The following CAPG variants were observed in gnomAD, a reference collection of about 807,000 sequenced individuals.
CAPG encodes the protein macrophage-capping protein.
In CAPG, 32 loss-of-function variants were observed where a neutral mutation model predicts 44.6. That is an observed-to-expected ratio of 0.72 (90% CI 0.54 to 0.96). The LOEUF (loss-of-function observed/expected upper bound fraction) is 0.96. CAPG is among the 50% of genes least tolerant of loss of function. The pLI is 0.00. For synonymous variants in CAPG, 175 were observed against 179.6 expected (o/e 0.97, Z 0.20); for missense variants, 412 against 438.3 (o/e 0.94, Z 0.54).
In CAPG at chr2:85,394,820, G is replaced by T; in HGVS notation, c.*73C>A. ...CATCTGCAGGGGGCACCTCTGCACT[G>T]ACCAGGCAGCCAGAGAAGCAAGCAG... On this transcript the variant is annotated 3_prime_UTR_variant, in exon 10 of 10. Transcript: ENST00000263867. 3 of 1,100,382 alleles carry T rather than the reference G, an allele frequency of 2.7e-6. No homozygotes were observed. Among genetic ancestry groups the T allele is most frequent in the South Asian group, 1.2e-5 (1 of 81,006 alleles). 68.2% of individuals were successfully genotyped at this position (1,100,382 alleles called of 1,614,324 possible).
exon 1 of CAPG, chr2:85,418,424 G>C (rs1413739881): frequency 6.6e-6 from 1 of 152,258 alleles, no homozygotes; most frequent in African/African-American, 2.4e-5. Flanking sequence ...ACGCCAGGAC[G>C]CGTGTAAGGC....
downstream of CAPG, among the ~76,000 whole-genome samples, chr2:85,393,157 T>C (rs569348965): frequency 3.9e-4 from 59 of 151,832 alleles, no homozygotes; most frequent in East Asian, 0.011. Context: ...CACTTCAGCC[T>C]CCTGAGTAGC....
chr2:85,392,941 A>G (rs957979089), downstream of CAPG, among the ~76,000 whole-genome samples: 2 of 152,212 alleles, frequency 1.3e-5, no homozygotes, highest in Non-Finnish European at 2.9e-5. Flanking sequence ...AGACCCTGGA[A>G]CATTAGCAAT....
At chr2:85,402,189 C>T in intron 1 of CAPG, 31 bp from the exon 2 acceptor site, 2 of 1,561,390 alleles carry the variant, frequency 1.3e-6, no homozygotes, top group Non-Finnish European at 1.7e-6. Context: ...ATTATTATTA[C>T]AAATGCCACA....
chr2:85,403,929 A>G (rs774352941), intron 1 of CAPG, among the ~76,000 whole-genome samples: 1 of 151,564 alleles, frequency 6.6e-6, no homozygotes, highest in Non-Finnish European at 1.5e-5. Context: ...ATTTTAGCAA[A>G]TGAAATCAAA....
chr2:85,407,473 G>A (rs1311470967), intron 1 of CAPG, among the ~76,000 whole-genome samples: 2 of 151,952 alleles, frequency 1.3e-5, no homozygotes, highest in African/African-American at 2.4e-5. Context: ...AGCACACTGG[G>A]AGACTGAGGT....
In CAPG at chr2:85,410,002, G is replaced by T. The variant is rs138483090; in HGVS notation, c.-14+315C>A. On this transcript the variant is annotated intron_variant, in intron 1 of 9. Coordinates refer to ENST00000263867, the MANE Select transcript of CAPG (RefSeq NM_001747.4). ...GCAGTGTGGTGGCCTCCGTCAGGAGGTCTGGCACAGCTGGGACAAGCCCTG... is the reference window on the plus strand; with the variant it reads ...GCAGTGTGGTGGCCTCCGTCAGGAGTTCTGGCACAGCTGGGACAAGCCCTG... 1.8e-3 allele frequency among the ~76,000 whole-genome samples: 270 copies of T among 152,336 alleles called. 2 individuals carry two copies. The highest frequency in any genetic ancestry group is 6.3e-3 in the African/African-American group (262 of 41,580).
Position 85,395,759 on chromosome 2 carries a change from A to T in CAPG, c.893-133T>A. The T allele has an allele frequency of 1.6e-6, 1 of 642,908 alleles. No individual in the cohort carries two copies. The highest frequency in any genetic ancestry group is 2.8e-6 in the Non-Finnish European group (1 of 361,644). 39.8% of individuals were successfully genotyped at this position (642,908 alleles called of 1,614,324 possible). A position where few individuals can be genotyped will look rare whatever the true frequency, so the allele number is the denominator to read the frequency against. On this transcript the variant is annotated intron_variant, in intron 8 of 9. Transcript: ENST00000263867. This position sits in a 1 kb window ranked among gnomAD's most constrained non-coding sequence, Gnocchi z 4.3. ...TACAATAAATGGACCAGGGGTCCCA[A>T]GAATGCCGAGGGGCTCTTTGGAGAT...
chr2:85,407,547 T>C (rs1687215622), intron 1 of CAPG, among the ~76,000 whole-genome samples: 1 of 151,564 alleles, frequency 6.6e-6, no homozygotes, highest in South Asian at 2.1e-4. Flanking sequence ...ATCCTGTCTC[T>C]ACAAAATATA....
upstream of CAPG, among the ~76,000 whole-genome samples, chr2:85,411,131 C>T (rs1156366224): frequency 6.6e-6 from 1 of 152,212 alleles, no homozygotes; most frequent in Non-Finnish European, 1.5e-5. Flanking sequence ...GCTGGGATTA[C>T]AGGCGTGGGC....
At chr2:85,403,225 T>C (rs763112690) in intron 1 of CAPG, among the ~76,000 whole-genome samples, 1 of 152,230 alleles carries the variant, frequency 6.6e-6, no homozygotes, top group Non-Finnish European at 1.5e-5. Context: ...AAAAACTTTA[T>C]GCCAATATAT....
Position 85,394,960 on chromosome 2 carries a change from T to G in CAPG, c.982-2A>C. The G allele has an allele frequency of 6.2e-7, 1 of 1,607,840 alleles. No homozygotes were observed. The highest frequency in any genetic ancestry group is 8.5e-7 in the Non-Finnish European group (1 of 1,174,228). On this transcript the variant is annotated splice_acceptor_variant, in intron 9 of 9. Coordinates refer to ENST00000263867, the MANE Select transcript of CAPG (RefSeq NM_001747.4). LOFTEE classifies it high-confidence loss of function. Reference sequence around the variant, plus strand: ...ATGGCCCTGAGGCAGAATCTCCACCTGCAGGGACAGCGGGGGAGAAGTCTG... The same window carrying G: ...ATGGCCCTGAGGCAGAATCTCCACCGGCAGGGACAGCGGGGGAGAAGTCTG...
At position 85,399,744 on chromosome 2, in the gene CAPG, T is replaced by C. The variant is rs528319859; in HGVS notation, c.517-459A>G. Among the ~76,000 whole-genome samples, 19 of 149,398 alleles carry C rather than the reference T, an allele frequency of 1.3e-4. No individual in the cohort carries two copies. In the East Asian group the frequency reaches 1.4e-3, roughly 11 times the overall value. On this transcript the variant is annotated intron_variant, in intron 5 of 9. Coordinates refer to ENST00000263867, the MANE Select transcript of CAPG (RefSeq NM_001747.4). ...GGCTCAAGCCTCTTTCTTTTTCTTT[T>C]TTTTTTTTTTTTTTGAGATGGAGTT...
At chr2:85,398,185 C>T in intron 7 of CAPG, 33 bp from the exon 8 acceptor site, 1 of 1,606,954 alleles carries the variant, frequency 6.2e-7, no homozygotes, top group South Asian at 1.1e-5. Context: ...GATCTCACCC[C>T]CCACACACCA....
chr2:85,396,361 G>T (rs544361941), intron 8 of CAPG, among the ~76,000 whole-genome samples: 209 of 138,732 alleles, frequency 1.5e-3, no homozygotes, highest in Admixed American at 4.9e-3. Flanking sequence ...AATTTTGGGG[G>T]GTTTTTTTTT....
At chr2:85,411,832 C>G (rs567280333), upstream of CAPG, among the ~76,000 whole-genome samples, 6 of 152,234 alleles carry the variant, frequency 3.9e-5, no homozygotes, top group African/African-American at 1.4e-4. Context: ...GAGACTGAGG[C>G]AGGCAGATTA....
chr2:85,405,345 T>C (rs1425511527), intron 1 of CAPG, among the ~76,000 whole-genome samples: 1 of 152,174 alleles, frequency 6.6e-6, no homozygotes, highest in African/African-American at 2.4e-5. Flanking sequence ...AATGCAGAGA[T>C]CACAGAGCCA....
Position 85,399,175 on chromosome 2 carries a change from C to T in CAPG, c.627G>A (p.Glu209=). The T allele has an allele frequency of 6.2e-7, 1 of 1,614,254 alleles. No homozygotes were observed. The change falls in exon 6 of 10, where the codon GAG becomes GAA. Residue 209 remains glutamate (E), a synonymous_variant. Coordinates refer to ENST00000263867, the MANE Select transcript of CAPG (RefSeq NM_001747.4). The part of the protein sequence containing the change: ...DSERQGKAQV[E]IVTDGEEPAE... ...CAGGCTCCTCCCCATCAGTGACAAT[C>T]TCCACCTGGGCCTTGCCCTGTCGCT...
Position 85,417,596 on chromosome 2 carries a change from C to G in CAPG, c.-14+671G>C, listed in dbSNP as rs569636215. ...CTCCTGAGTTCAAGCAATTCTCCTG[C>G]CTCAGCCTCCCGAGTAGCTGGGATT... On this transcript the variant is annotated intron_variant, in intron 1 of 5. Transcript: ENST00000409275. Among the ~76,000 whole-genome samples the G allele has an allele frequency of 5.9e-5, 9 of 151,802 alleles. No homozygotes were observed. In the South Asian group the frequency reaches 1.9e-3, roughly 32 times the overall value.
Sources: gnomAD v4.1 joint callset for allele counts (sites outside exome capture counted in the v4.1 genomes callset) on GRCh38, gnomAD v4.1.1 for gene constraint, Gnocchi (gnomAD v3.1) non-coding constraint, MANE v1.5 for transcripts, NCBI Gene and HGNC (gene_info 2026-07-23, HGNC 2026-07-21) for gene names.